PTGER3: variants seen among roughly 807,000 people sequenced by gnomAD.
PTGER3 encodes the protein prostaglandin E2 receptor EP3 subtype.
PTGER3 carries 22 observed loss-of-function variants against 34.7 expected under a neutral mutation model. The observed-to-expected ratio is 0.63, with a 90% CI of 0.45 to 0.91. PTGER3 has a LOEUF of 0.91. Among genes scored for constraint, PTGER3 ranks in the 40% least tolerant of loss-of-function variants. The pLI is 0.00. For synonymous variants in PTGER3, 241 were observed against 230.1 expected (o/e 1.05, Z -0.43); for missense variants, 468 against 519.4 (o/e 0.90, Z 0.96).
At chr1:70,913,661 C>T (rs1316615430) in intron 4 of PTGER3, among the ~76,000 whole-genome samples, 1 of 151,794 alleles carries the variant, frequency 6.6e-6, no homozygotes, top group Non-Finnish European at 1.5e-5. Flanking sequence ...CCCTTTAATT[C>T]CCAGTTTGCC....
At chr1:70,895,108 TC>T (rs751688905) in intron 4 of PTGER3, among the ~76,000 whole-genome samples, 5 of 151,302 alleles carry the variant, frequency 3.3e-5, no homozygotes, top group Non-Finnish European at 5.9e-5. Context: ...AATACTGAGT[TC>T]CCCCCAGCAC....
rs1232455641 is a variant in PTGER3, at chr1:71,047,439, A to C, written c.139T>G (p.Cys47Gly). ...LTRPPGSGED[C>G]GSVSVAFPIT... ...GGGAAGGCCACGGACACCGATCCGC[A>C]ATCCTCGCCAGACCCTGGAGGGCGC... is the stretch of plus-strand genomic sequence containing the variant. Residue 47 changes from cysteine (C) to glycine (G), a missense_variant, in exon 1 of 4, where the codon TGC (cysteine) becomes GGC (glycine). Physicochemically the swap from Cys to Gly is radical, Grantham distance 159. Transcript: ENST00000306666. 1.9e-6 allele frequency: 3 copies of C among 1,611,312 alleles called. No individual in the cohort carries two copies.
intron 2 of PTGER3, among the ~76,000 whole-genome samples, chr1:70,985,584 T>C (rs1654840057): frequency 1.3e-5 from 2 of 151,972 alleles, no homozygotes; most frequent in Admixed American, 1.3e-4. Context: ...ATTAGGCAAA[T>C]CTGAAGCCTG....
At chr1:70,900,164 AT>A (rs1646805913) in intron 4 of PTGER3, among the ~76,000 whole-genome samples, 1 of 151,904 alleles carries the variant, frequency 6.6e-6, no homozygotes, top group African/African-American at 2.4e-5. Context: ...TTTTATCTTT[AT>A]TTTTGTCTTA....
At chr1:70,967,119 G>A (rs979388873), downstream of PTGER3, among the ~76,000 whole-genome samples, 1 of 151,960 alleles carries the variant, frequency 6.6e-6, no homozygotes, top group Non-Finnish European at 1.5e-5. Context: ...TCTTCAAGAA[G>A]TCTAAGGAAA....
intron 1 of PTGER3, among the ~76,000 whole-genome samples, chr1:71,020,400 C>A (rs1452150715): frequency 6.6e-6 from 1 of 152,110 alleles, no homozygotes; most frequent in Non-Finnish European, 1.5e-5. Flanking sequence ...TTAGAAAAGT[C>A]ATTTATCTCT....
chr1:70,927,057 T>G (rs1648165744), intron 4 of PTGER3, among the ~76,000 whole-genome samples: 1 of 152,404 alleles, frequency 6.6e-6, no homozygotes, highest in Admixed American at 6.5e-5. Flanking sequence ...GATAAGCTTT[T>G]TGATGTGCTT....
intron 4 of PTGER3, among the ~76,000 whole-genome samples, chr1:70,857,710 A>T (rs1458119800): frequency 2.6e-5 from 4 of 151,884 alleles, no homozygotes; most frequent in African/African-American, 4.8e-5. Flanking sequence ...AATTTTTTGT[A>T]TTTTTAGTAG....
intron 1 of PTGER3, among the ~76,000 whole-genome samples, chr1:71,018,044 CG>C (rs1302742439): frequency 6.6e-5 from 10 of 152,124 alleles, no homozygotes; most frequent in Non-Finnish European, 1.2e-4. Context: ...GGATTACAGG[CG>C]TGAGTCACCA....
chr1:71,000,994 A>G (rs1422624049), intron 2 of PTGER3, among the ~76,000 whole-genome samples: 2 of 152,186 alleles, frequency 1.3e-5, no homozygotes, highest in South Asian at 2.1e-4. Flanking sequence ...AGTGTGAGAT[A>G]ACAATATATT....
intron 4 of PTGER3, among the ~76,000 whole-genome samples, chr1:70,933,137 A>G (rs1268223148): frequency 6.6e-6 from 1 of 152,158 alleles, no homozygotes; most frequent in Non-Finnish European, 1.5e-5. Flanking sequence ...TTATTTGTGT[A>G]AAGTAATACC....
At chr1:70,933,097 G>C (rs977906475) in intron 4 of PTGER3, among the ~76,000 whole-genome samples, 1 of 151,982 alleles carries the variant, frequency 6.6e-6, no homozygotes, top group Admixed American at 6.6e-5. Context: ...AGCTCCTAAA[G>C]GACAAAGCTG....
chr1:70,945,288 T>G (rs576523579), intron 4 of PTGER3, among the ~76,000 whole-genome samples: 1 of 152,272 alleles, frequency 6.6e-6, no homozygotes, highest in African/African-American at 2.4e-5. Flanking sequence ...CACACCCGTG[T>G]TGTTCTTACA....
At chr1:71,046,502 TAGTA>T (rs1465691337) in intron 1 of PTGER3, among the ~76,000 whole-genome samples, 175 bp downstream of exon 1, 1 of 152,164 alleles carries the variant, frequency 6.6e-6, no homozygotes, top group Non-Finnish European at 1.5e-5. Context: ...GGCGCTCAGC[TAGTA>T]AGTGAGGAGC....
At chr1:71,031,266 A>G (rs1659390735) in intron 1 of PTGER3, among the ~76,000 whole-genome samples, 1 of 151,854 alleles carries the variant, frequency 6.6e-6, no homozygotes, top group African/African-American at 2.4e-5. Context: ...ACACACACAC[A>G]CACACACACA....
At chr1:71,034,920 A>G (rs1288917350) in intron 1 of PTGER3, among the ~76,000 whole-genome samples, 1 of 152,206 alleles carries the variant, frequency 6.6e-6, no homozygotes, top group African/African-American at 2.4e-5. Flanking sequence ...TAGTTTTCTC[A>G]TCATAATAAC....
intron 4 of PTGER3, among the ~76,000 whole-genome samples, chr1:70,943,878 G>GAGAGAGAGAGAGAGAGAGA: frequency 7.0e-6 from 1 of 142,132 alleles, no homozygotes; most frequent in African/African-American, 2.5e-5. Context: ...GAGAGAGAGA[G>GAGAGAGAGAGAGAGAGAGA]CAGTAATACC....
At chr1:70,866,542 C>G (rs1476285848) in intron 4 of PTGER3, among the ~76,000 whole-genome samples, 2 of 152,180 alleles carry the variant, frequency 1.3e-5, no homozygotes, top group Admixed American at 6.5e-5. Flanking sequence ...ATATGCTCAT[C>G]TCTGTGTCTT....
chr1:70,965,900 A>G (rs1652467796), downstream of PTGER3, among the ~76,000 whole-genome samples: 1 of 152,134 alleles, frequency 6.6e-6, no homozygotes, highest in African/African-American at 2.4e-5. Context: ...TTTATTTTTT[A>G]CTACTTTCTC....
Sources: allele counts gnomAD v4.1 joint callset (sites outside exome capture counted in the v4.1 genomes callset), GRCh38; gene constraint gnomAD v4.1.1; transcripts MANE v1.5; gene names NCBI Gene and HGNC (gene_info 2026-07-23, HGNC 2026-07-21).